ZFYVE16: variants seen among roughly 807,000 people sequenced by gnomAD.
ZFYVE16 encodes zinc finger FYVE-type containing 16, also known as zinc finger FYVE domain-containing protein 16.
ZFYVE16 carries 89 observed loss-of-function variants against 138.1 expected under a neutral mutation model. That is an observed-to-expected ratio of 0.64 (90% CI 0.54 to 0.77). The LOEUF is 0.77. Among genes scored for constraint, ZFYVE16 ranks in the 30% least tolerant of loss-of-function variants. The probability of loss-of-function intolerance (pLI) is 0.00; values close to 1 mark genes in which losing one functional copy is unlikely to be tolerated. For synonymous variants in ZFYVE16, 596 were observed against 618.3 expected (o/e 0.96, Z 0.53); for missense variants, 1,793 against 1,786.7 (o/e 1.00, Z -0.06).
chr5:80,412,226 C>T (rs948931202), intron 1 of ZFYVE16, among the ~76,000 whole-genome samples: 4 of 152,074 alleles, frequency 2.6e-5, no homozygotes, highest in African/African-American at 9.7e-5. Context: ...GTTAATCTTC[C>T]ATGTTACTGC....
chr5:80,475,203 C>A (rs989966797), intron 18 of ZFYVE16, among the ~76,000 whole-genome samples: 1 of 152,210 alleles, frequency 6.6e-6, no homozygotes, highest in African/African-American at 2.4e-5. Context: ...GTTTGATGAA[C>A]CCTTCTCCAT....
intron 8 of ZFYVE16, among the ~76,000 whole-genome samples, chr5:80,448,760 C>G (rs1168064257): frequency 6.6e-6 from 1 of 151,952 alleles, no homozygotes; most frequent in Non-Finnish European, 1.5e-5. Flanking sequence ...GATTGGATGG[C>G]AAAGCTAGGA....
At chr5:80,463,669 CA>C (rs1304407663) in intron 15 of ZFYVE16, among the ~76,000 whole-genome samples, 1 of 152,152 alleles carries the variant, frequency 6.6e-6, no homozygotes, top group Non-Finnish European at 1.5e-5. Flanking sequence ...TATCAGGCTG[CA>C]AATTTTCCAA....
At chr5:80,422,545 C>G (rs891146867) in intron 1 of ZFYVE16, among the ~76,000 whole-genome samples, 5 of 152,134 alleles carry the variant, frequency 3.3e-5, no homozygotes, top group African/African-American at 4.8e-5. Context: ...ACCTCCGCCT[C>G]CCGGATTCAA....
intron 15 of ZFYVE16, among the ~76,000 whole-genome samples, chr5:80,472,179 C>T (rs373514744): frequency 6.6e-6 from 1 of 152,060 alleles, no homozygotes; most frequent in Non-Finnish European, 1.5e-5. Context: ...TAGTGCCCCC[C>T]TCTTAAGTGT....
Position 80,445,346 on chromosome 5 carries a change from T to C in ZFYVE16, c.2665T>C (p.Ser889Pro), listed in dbSNP as rs778278756. The change falls in exon 7 of 19, where the codon TCA becomes CCA. Residue 889 changes from serine (S) to proline (P), a missense_variant. Around this residue, in one of 2 missense-constraint regions of ZFYVE16, gnomAD observed 1,295 missense variants for 1,204.3 expected, o/e 1.08. Transcript: ENST00000505560. ...TGAAGTTGCAGATACAACAAAATTA[T>C]CATCTGGAAGTAAAAGATGTTCTGA... ...NGEVADTTKL[S>P]SGSKRCSEDF... is the part of the protein sequence containing the mutation. 8 of 1,613,998 alleles carry C rather than the reference T, an allele frequency of 5.0e-6. No homozygotes were observed. The highest frequency in any genetic ancestry group is 1.7e-4 in the Middle Eastern group (1 of 6,058).
chr5:80,422,269 T>C (rs899832331), intron 1 of ZFYVE16, among the ~76,000 whole-genome samples: 1 of 152,190 alleles, frequency 6.6e-6, no homozygotes, highest in African/African-American at 2.4e-5. Context: ...CTTTCCGTAT[T>C]ATGTTGAATA....
At position 80,461,453 on chromosome 5, in the gene ZFYVE16, C is replaced by A. The variant is rs146108057; in HGVS notation, c.4024+1959C>A. ...CTTTTAATTATGAATATTTTCAGTT[C>A]TTTTTGTGATTACTTCATCTTAATC... On this transcript the variant is annotated intron_variant, in intron 15 of 18. Coordinates refer to ENST00000505560, the MANE Select transcript of ZFYVE16 (RefSeq NM_001284236.3). Among the ~76,000 whole-genome samples the A allele has an allele frequency of 1.1e-4, 16 of 152,268 alleles. No individual in the cohort carries two copies. The East Asian group carries it at 3.1e-3, about 29-fold the overall frequency.
At chr5:80,435,551 G>A (rs1749776497) in intron 3 of ZFYVE16, among the ~76,000 whole-genome samples, 1 of 152,146 alleles carries the variant, frequency 6.6e-6, no homozygotes, top group Non-Finnish European at 1.5e-5. Flanking sequence ...CCTTAGTCTG[G>A]TTTTTATAGT....
chr5:80,479,507 A>T lies in ZFYVE16; in HGVS notation c.*2130A>T, dbSNP rs1416401232. On this transcript the variant is annotated 3_prime_UTR_variant, in exon 19 of 19. Transcript: ENST00000505560. ...TTATGGATTCCATGCCACAAGTAGT[A>T]TGCGCTTAAGTGCAGAGCATGCCAA... Among the ~76,000 whole-genome samples, 1 of 152,218 alleles carries T rather than the reference A, an allele frequency of 6.6e-6. No homozygotes were observed. The highest frequency in any genetic ancestry group is 1.5e-5 in the Non-Finnish European group (1 of 68,030).
At chr5:80,430,502 G>A (rs1748836147) in intron 2 of ZFYVE16, among the ~76,000 whole-genome samples, 1 of 151,798 alleles carries the variant, frequency 6.6e-6, no homozygotes, top group Non-Finnish European at 1.5e-5. Flanking sequence ...ATCTAAAATT[G>A]ACACCCTAAC....
chr5:80,412,049 C>T (rs1745530657), intron 1 of ZFYVE16, among the ~76,000 whole-genome samples: 1 of 152,196 alleles, frequency 6.6e-6, no homozygotes, highest in Non-Finnish European at 1.5e-5. Context: ...CCACCTCAGG[C>T]TCTGGAGTAG....
chr5:80,438,364 A>G lies in ZFYVE16; in HGVS notation c.1679A>G (p.Gln560Arg), dbSNP rs1273672832. Residue 560 changes from glutamine to arginine, a missense_variant, in exon 4 of 19, where the codon CAA becomes CGA. Physicochemically the swap from Gln to Arg is conservative, Grantham distance 43. This residue lies in a region of ZFYVE16 where 1,295 missense variants were observed against 1,204.3 expected (regional missense o/e 1.08). Transcript: ENST00000505560. The part of the protein sequence containing the change: ...FEENVNDSKS[Q>R]MNQIDMKGLD... ...GAAAATGTAAATGACTCTAAATCGCAAATGAATCAGATAGATATGAAAGGC... is the reference window on the plus strand; with the variant it reads ...GAAAATGTAAATGACTCTAAATCGCGAATGAATCAGATAGATATGAAAGGC... The G allele has an allele frequency of 6.2e-6, 10 of 1,613,620 alleles. No individual in the cohort carries two copies. The highest frequency in any genetic ancestry group is 2.7e-5 in the African/African-American group (2 of 74,868).
At chr5:80,474,568 C>A in intron 17 of ZFYVE16, 95 bp from the exon 18 acceptor site, 2 of 1,246,298 alleles carry the variant, frequency 1.6e-6, no homozygotes, top group Non-Finnish European at 1.1e-6. Flanking sequence ...TTTCATGGTA[C>A]TTACATTGGA....
chr5:80,474,514 A>C (rs1179954790), intron 17 of ZFYVE16, 149 bp from the exon 18 acceptor site: 6 of 802,082 alleles, frequency 7.5e-6, no homozygotes, highest in African/African-American at 1.7e-5. Flanking sequence ...TTTTACTTAT[A>C]GTACAGATCA....
chr5:80,419,873 G>A (rs1746835868), intron 1 of ZFYVE16, among the ~76,000 whole-genome samples: 1 of 147,676 alleles, frequency 6.8e-6, no homozygotes, highest in Non-Finnish European at 1.5e-5. Flanking sequence ...GTGCAGTGGT[G>A]TGATCTTGGC....
rs901001252 is a variant in ZFYVE16 at position 80,480,555 on chromosome 5, T to G, written c.*3178T>G. Among the ~76,000 whole-genome samples, 7 of 151,830 alleles carry G rather than the reference T, an allele frequency of 4.6e-5. No individual in the cohort carries two copies. The highest frequency in any genetic ancestry group is 1.2e-4 in the African/African-American group (5 of 41,184). ...AGATAGAATGCAGAATTTTAAAAAC[T>G]GATGAAAGACATGACCCCACACATT... On this transcript the variant is annotated 3_prime_UTR_variant, in exon 19 of 19. Coordinates refer to ENST00000505560, the MANE Select transcript of ZFYVE16 (RefSeq NM_001284236.3).
intron 11 of ZFYVE16, chr5:80,451,980 A>C (rs1752032286): frequency 2.8e-6 from 1 of 354,580 alleles, no homozygotes. Flanking sequence ...TTCACAGTGC[A>C]GGTTGAGTAT....
intron 7 of ZFYVE16, 104 bp downstream of exon 7, chr5:80,445,509 A>G (rs1277811608): frequency 4.8e-6 from 5 of 1,037,358 alleles, no homozygotes; most frequent in Non-Finnish European, 6.9e-6. Context: ...TAACACTTTG[A>G]GCTTCCTAAA....
Sources: allele counts gnomAD v4.1 joint callset (sites outside exome capture counted in the v4.1 genomes callset), GRCh38; gene constraint gnomAD v4.1.1; regional missense constraint gnomAD v4.1.1; transcripts MANE v1.5; gene names NCBI Gene and HGNC (gene_info 2026-07-23, HGNC 2026-07-21).